SLC17A7: variants seen among roughly 807,000 people sequenced by gnomAD.
SLC17A7 encodes vesicular glutamate transporter 1.
In SLC17A7, 15 loss-of-function variants were observed where a neutral mutation model predicts 59.1. The ratio of observed to expected loss-of-function variants is 0.25; its 90% CI spans 0.17 to 0.39. The LOEUF is 0.39. SLC17A7 is among the 10% of genes least tolerant of loss of function. The pLI, the probability that SLC17A7 is intolerant of heterozygous loss-of-function variation, is 1.00. For missense variants in SLC17A7, 499 were observed against 765.1 expected, an observed-to-expected ratio of 0.65 and a Z score of 4.10; for synonymous variants, 353 against 308.9, an observed-to-expected ratio of 1.14 and a Z score of -1.50.
In SLC17A7 at chr19:49,430,546, C is replaced by T. The variant is rs549258086; in HGVS notation, c.1656G>A (p.Arg552=). ...GATHSTFQPP[R]PPPPVRDY The stretch of plus-strand genomic sequence containing the variant: ...AGTAGTCCCGGACAGGGGGTGGGGG[C>T]CTGGGGGGCTGAAATGTGCTGTGTG... Residue 552 remains arginine (R), a synonymous_variant, in exon 12 of 12, where the codon AGG becomes AGA. Transcript: ENST00000221485. 1.3e-6 allele frequency: 2 copies of T among 1,592,106 alleles called. No individual in the cohort carries two copies. Among genetic ancestry groups the T allele is most frequent in the Admixed American group, 1.7e-5 (1 of 58,684 alleles).
rs1028178677 is a variant in SLC17A7, at chr19:49,436,912, C to T, written c.63-111G>A. ...TTTTCAACATCCAGAATTCTAAGCC[C>T]GCACCTCCTCCTTCACCAAGAGTCC... On this transcript the variant is annotated intron_variant, in intron 1 of 11. Transcript: ENST00000221485. The surrounding 1 kb of genome is among the most constrained non-coding windows in gnomAD (Gnocchi z 4.1). 1.6e-5 allele frequency: 23 copies of T among 1,426,014 alleles called. No individual in the cohort carries two copies. The Admixed American group carries it at 5.0e-4, about 31-fold the overall frequency. The allele number at this position is 1,426,014 out of a possible 1,614,324, so 88.3% of individuals were successfully genotyped here. A position where few individuals can be genotyped will look rare whatever the true frequency, so the allele number is the denominator to read the frequency against.
At position 49,433,738 on chromosome 19, in the gene SLC17A7, C is replaced by T; in HGVS notation, c.855G>A (p.Met285Ile). ...TTTGGTCCCGGACCGTGAGGGGGTT[C>T]ATGAGTTTCGCGCTCTCTCCGATGG... ...EDAIGESAKL[M>I]NPLTKFSTPW... Residue 285 changes from methionine (M) to isoleucine (I), a missense_variant, in exon 7 of 12, where the codon ATG becomes ATA. Met to Ile is a conservative substitution (Grantham distance 10). This residue lies in a region of SLC17A7 where 323 missense variants were observed against 607.2 expected (regional missense o/e 0.53). Coordinates refer to ENST00000221485, the MANE Select transcript of SLC17A7 (RefSeq NM_020309.4). The surrounding 1 kb of genome is among the most constrained non-coding windows in gnomAD (Gnocchi z 5.7). 3 of 1,614,144 alleles carry T rather than the reference C, an allele frequency of 1.9e-6. No individual in the cohort carries two copies. In the East Asian group the frequency reaches 6.7e-5, roughly 36 times the overall value.
intron 2 of SLC17A7, chr19:49,435,544 T>G (rs931442002): frequency 7.7e-6 from 3 of 389,674 alleles, no homozygotes; most frequent in Non-Finnish European, 1.4e-5. Context: ...CCTGCTTCCT[T>G]GCCTCCATGA....
rs2079000136 is a variant in SLC17A7 at position 49,441,523 on chromosome 19, C to A, written c.-144G>T. Reference sequence around the variant, plus strand: ...GCTCCGCTCGGGGGGAAGGAGGCTGCAAGTGCAGGCGGCCCGGGGGCTGTC... The same window carrying A: ...GCTCCGCTCGGGGGGAAGGAGGCTGAAAGTGCAGGCGGCCCGGGGGCTGTC... On this transcript the variant is annotated 5_prime_UTR_variant, in exon 1 of 12. Coordinates refer to ENST00000221485, the MANE Select transcript of SLC17A7 (RefSeq NM_020309.4). 5 of 1,043,428 alleles carry A rather than the reference C, an allele frequency of 4.8e-6. No individual in the cohort carries two copies. Among genetic ancestry groups the A allele is most frequent in the Non-Finnish European group, 3.5e-6 (3 of 869,336 alleles). The allele number at this position is 1,043,428 out of a possible 1,614,324, so 64.6% of individuals were successfully genotyped here.
rs1401254027 is a variant in SLC17A7 at position 49,431,762 on chromosome 19, T to A, written c.1151-314A>T. On this transcript the variant is annotated intron_variant, in intron 9 of 11. Coordinates refer to ENST00000221485, the MANE Select transcript of SLC17A7 (RefSeq NM_020309.4). The surrounding 1 kb of genome is among the most constrained non-coding windows in gnomAD (Gnocchi z 4.6). ...GTGCACGCTCACACCTTCCCCTCAA[T>A]CCCCACTCATGAGTTTTTGGTTTTT... is the stretch of plus-strand genomic sequence containing the variant. Among the ~76,000 whole-genome samples the A allele has an allele frequency of 6.8e-6, 1 of 148,034 alleles. No individual in the cohort carries two copies. Among genetic ancestry groups the A allele is most frequent in the Non-Finnish European group, 1.5e-5 (1 of 67,276 alleles).
rs2078950836 is a variant in SLC17A7 at position 49,429,814 on chromosome 19, G to C, written c.*705C>G. 2.6e-6 allele frequency: 1 copy of C among 378,818 alleles called. No homozygotes were observed. Among genetic ancestry groups the C allele is most frequent in the African/African-American group, 2.1e-5 (1 of 48,244 alleles). The allele number at this position is 378,818 out of a possible 1,614,324, so 23.5% of individuals were successfully genotyped here. ...ACCTGAAAACCATGTCAGAAAAAGT[G>C]CACGGGGGTAGAGAGGCATATTGTT... On this transcript the variant is annotated 3_prime_UTR_variant, in exon 12 of 12. Coordinates refer to ENST00000221485, the MANE Select transcript of SLC17A7 (RefSeq NM_020309.4).
In SLC17A7 at chr19:49,430,590, G is replaced by T. The variant is rs760526596; in HGVS notation, c.1612C>A (p.Pro538Thr). The T allele has an allele frequency of 6.2e-7, 1 of 1,612,282 alleles. No individual in the cohort carries two copies. Among genetic ancestry groups the T allele is most frequent in the Non-Finnish European group, 8.5e-7 (1 of 1,178,904 alleles). ...CTGTGTGTGGCCCCATAGGAGGGCGGGGGTGCAGGGGGTGCCCCCGGGGGC... is the reference window on the plus strand; with the variant it reads ...CTGTGTGTGGCCCCATAGGAGGGCGTGGGTGCAGGGGGTGCCCCCGGGGGC... ...AEPPGAPPAPPPSYGATHSTF... is the reference protein window; with the variant it reads ...AEPPGAPPAPTPSYGATHSTF... The change falls in exon 12 of 12, where the codon CCG (proline) becomes ACG (threonine). Residue 538 changes from proline (P) to threonine (T), a missense_variant. This residue lies in a region of SLC17A7 where 98 missense variants were observed against 77.5 expected (regional missense o/e 1.27). Coordinates refer to ENST00000221485, the MANE Select transcript of SLC17A7 (RefSeq NM_020309.4).
intron 2 of SLC17A7, 70 bp from the exon 3 acceptor site, chr19:49,435,356 C>G (rs1357482452): frequency 1.8e-6 from 2 of 1,130,174 alleles, no homozygotes; most frequent in Non-Finnish European, 2.7e-6. Flanking sequence ...TCAGCACCCA[C>G]AGACTTAGCG....
At position 49,431,455 on chromosome 19, in the gene SLC17A7, G is replaced by A; in HGVS notation, c.1151-7C>T. ...GTGGCTTCCATGCCGAAGCCTACGGGGGCGGGGGGGGCCCGCGTCTCCTGA... is the reference window on the plus strand; with the variant it reads ...GTGGCTTCCATGCCGAAGCCTACGGAGGCGGGGGGGGCCCGCGTCTCCTGA... On this transcript the variant is annotated splice_region_variant and splice_polypyrimidine_tract_variant and intron_variant, in intron 9 of 11. Coordinates refer to ENST00000221485, the MANE Select transcript of SLC17A7 (RefSeq NM_020309.4). This position sits in a 1 kb window ranked among gnomAD's most constrained non-coding sequence, Gnocchi z 4.6. 1 of 1,611,900 alleles carries A rather than the reference G, an allele frequency of 6.2e-7. No homozygotes were observed. Among genetic ancestry groups the A allele is most frequent in the Non-Finnish European group, 8.5e-7 (1 of 1,178,928 alleles).
Position 49,434,811 on chromosome 19 carries a change from T to C in SLC17A7, c.506A>G (p.Tyr169Cys), listed in dbSNP as rs200975299. The C allele has an allele frequency of 1.3e-4, 215 of 1,614,114 alleles. 1 individual carries two copies. The highest frequency in any genetic ancestry group is 5.9e-6 in the Non-Finnish European group (7 of 1,180,026). Residue 169 changes from tyrosine to cysteine, a missense_variant, in exon 4 of 12, where the codon TAT becomes TGT. Around this residue, in one of 3 missense-constraint regions of SLC17A7, gnomAD observed 323 missense variants for 607.2 expected, o/e 0.53. Transcript: ENST00000221485. ...GATCCTCACGAAGATGACACAGCCATAGTGGACGCGGGCAGCTGAGGGGAT... is the reference window on the plus strand; with the variant it reads ...GATCCTCACGAAGATGACACAGCCACAGTGGACGCGGGCAGCTGAGGGGAT... ...MLIPSAARVH[Y>C]GCVIFVRILQ...
At position 49,433,843 on chromosome 19, in the gene SLC17A7, C is replaced by A; in HGVS notation, c.750G>T (p.Leu250=). 6.2e-7 allele frequency: 1 copy of A among 1,612,618 alleles called. No individual in the cohort carries two copies. The change falls in exon 7 of 12, where the codon CTG becomes CTT. Residue 250 remains leucine, a synonymous_variant. Transcript: ENST00000221485. This position sits in a 1 kb window ranked among gnomAD's most constrained non-coding sequence, Gnocchi z 5.7. The stretch of plus-strand genomic sequence containing the variant: ...ACTCGTAGGAGACGAGCAGCCAGAA[C>A]AGGTACCAGAAGATCCCGAAGCTGC... The part of the protein sequence containing the change: ...VYGSFGIFWY[L]FWLLVSYESP...
chr19:49,438,851 T>C (rs2078989431), intron 1 of SLC17A7, among the ~76,000 whole-genome samples: 1 of 152,142 alleles, frequency 6.6e-6, no homozygotes, highest in Non-Finnish European at 1.5e-5. Flanking sequence ...TATGAGGAGA[T>C]GTCAGATCTC....
At position 49,431,931 on chromosome 19, in the gene SLC17A7, G is replaced by A. The variant is rs763396021; in HGVS notation, c.1151-483C>T. Among the ~76,000 whole-genome samples, 15 of 152,080 alleles carry A rather than the reference G, an allele frequency of 9.9e-5. No homozygotes were observed. Among genetic ancestry groups the A allele is most frequent in the Non-Finnish European group, 2.1e-4 (14 of 68,016 alleles). ...TGGGATAACAGGGGTTAGCCACCAT[G>A]CCCTGCCTGTTTTTTAATTTTTAAT... On this transcript the variant is annotated intron_variant, in intron 9 of 11. Transcript: ENST00000221485. This position sits in a 1 kb window ranked among gnomAD's most constrained non-coding sequence, Gnocchi z 4.6.
Position 49,433,045 on chromosome 19 carries a change from T to A in SLC17A7, c.868-85A>T. ...CCCTTCAGGGACCACAGTGTAGTTCTGCAGAAACCAAAGGATCCCGACCGC... is the reference window on the plus strand; with the variant it reads ...CCCTTCAGGGACCACAGTGTAGTTCAGCAGAAACCAAAGGATCCCGACCGC... On this transcript the variant is annotated intron_variant, in intron 7 of 11. Coordinates refer to ENST00000221485, the MANE Select transcript of SLC17A7 (RefSeq NM_020309.4). This position sits in a 1 kb window ranked among gnomAD's most constrained non-coding sequence, Gnocchi z 5.7. 7.2e-7 allele frequency: 1 copy of A among 1,388,914 alleles called. No homozygotes were observed. The highest frequency in any genetic ancestry group is 9.9e-7 in the Non-Finnish European group (1 of 1,013,564). The allele number at this position is 1,388,914 out of a possible 1,614,324, so 86.0% of individuals were successfully genotyped here.
rs932362869 is a variant in SLC17A7, at chr19:49,430,379, G to C, written c.*140C>G. The C allele has an allele frequency of 1.7e-6, 1 of 603,946 alleles. No individual in the cohort carries two copies. Among genetic ancestry groups the C allele is most frequent in the Non-Finnish European group, 2.8e-6 (1 of 354,218 alleles). 37.4% of individuals were successfully genotyped at this position (603,946 alleles called of 1,614,324 possible). A position where few individuals can be genotyped will look rare whatever the true frequency, so the allele number is the denominator to read the frequency against. ...GGCAATTGGGAAGGAAAGAGGATTT[G>C]ACAGCACTGGGAACAAGGGAGAGTG... is the stretch of plus-strand genomic sequence containing the variant. On this transcript the variant is annotated 3_prime_UTR_variant, in exon 12 of 12. Coordinates refer to ENST00000221485, the MANE Select transcript of SLC17A7 (RefSeq NM_020309.4).
intron 3 of SLC17A7, 123 bp from the exon 4 acceptor site, chr19:49,435,005 A>G (rs2078974970): frequency 1.9e-6 from 2 of 1,043,194 alleles, no homozygotes; most frequent in Non-Finnish European, 2.9e-6. Context: ...CACCTCTCTG[A>G]CTTACACCTT....
chr19:49,430,301 G>A lies in SLC17A7; in HGVS notation c.*218C>T, dbSNP rs1246596484. ...GAACGGGTGGAGAGGGAACCTTTAG[G>A]GGAATTTGGGTATCCTTGAAACTGT... is the stretch of plus-strand genomic sequence containing the variant. On this transcript the variant is annotated 3_prime_UTR_variant, in exon 12 of 12. Transcript: ENST00000221485. 4.2e-6 allele frequency: 2 copies of A among 477,458 alleles called. No individual in the cohort carries two copies. Among genetic ancestry groups the A allele is most frequent in the Non-Finnish European group, 7.4e-6 (2 of 271,734 alleles). 29.6% of individuals were successfully genotyped at this position (477,458 alleles called of 1,614,324 possible).
chr19:49,435,149 T>G lies in SLC17A7; in HGVS notation c.434+19A>C. ...ACACAACTGTAGTTACCGCCCACTT[T>G]GAGACCCCACCACTGTACCTGTTGG... On this transcript the variant is annotated intron_variant, in intron 3 of 11. Transcript: ENST00000221485. 2.8e-4 allele frequency: 445 copies of G among 1,564,866 alleles called. No homozygotes were observed. The highest frequency in any genetic ancestry group is 3.6e-4 in the Non-Finnish European group (412 of 1,135,418).
At position 49,430,470 on chromosome 19, in the gene SLC17A7, T is replaced by G. The variant is rs779121979; in HGVS notation, c.*49A>C. The G allele has an allele frequency of 7.4e-6, 10 of 1,353,594 alleles. No individual in the cohort carries two copies. Among genetic ancestry groups the G allele is most frequent in the Admixed American group, 6.3e-5 (3 of 47,308 alleles). The allele number at this position is 1,353,594 out of a possible 1,614,324, so 83.8% of individuals were successfully genotyped here. A position where few individuals can be genotyped will look rare whatever the true frequency, so the allele number is the denominator to read the frequency against. On this transcript the variant is annotated 3_prime_UTR_variant, in exon 12 of 12. Coordinates refer to ENST00000221485, the MANE Select transcript of SLC17A7 (RefSeq NM_020309.4). ...TTGACACTGTCACTCAGGCCAGAGA[T>G]GAGTGGAATGGAGGTCCTGGAAACT...
Sources: allele counts gnomAD v4.1 joint callset (sites outside exome capture counted in the v4.1 genomes callset), GRCh38; gene constraint gnomAD v4.1.1; regional missense constraint gnomAD v4.1.1; non-coding constraint Gnocchi (gnomAD v3.1); transcripts MANE v1.5; gene names NCBI Gene and HGNC (gene_info 2026-07-23, HGNC 2026-07-21).